The following CSGALNACT1 variants were observed in gnomAD, a reference collection of about 807,000 sequenced individuals.
CSGALNACT1 encodes beta4GalNAcT-1.
A neutral mutation model predicts 51.0 loss-of-function variants in CSGALNACT1; 52 were observed. The observed-to-expected ratio is 1.02, with a 90% CI of 0.82 to 1.29. The LOEUF (loss-of-function observed/expected upper bound fraction) is 1.29. Among genes scored for constraint, CSGALNACT1 ranks in the 50% most tolerant of loss-of-function variants. CSGALNACT1 has a pLI of 0.00. For missense variants in CSGALNACT1, 935 were observed against 679.2 expected (o/e 1.38, Z -4.19); for synonymous variants, 341 against 254.4 (o/e 1.34, Z -3.24).
upstream of CSGALNACT1, among the ~76,000 whole-genome samples, chr8:19,604,451 G>C (rs1005473983): frequency 3.9e-5 from 6 of 152,152 alleles, no homozygotes; most frequent in African/African-American, 1.2e-4. Context: ...CAGAAATGAG[G>C]CTCAAAGGTG....
At chr8:19,553,702 G>A (rs977558553) in intron 3 of CSGALNACT1, among the ~76,000 whole-genome samples, 3 of 145,256 alleles carry the variant, frequency 2.1e-5, no homozygotes, top group African/African-American at 7.8e-5. Context: ...GATGATTAAG[G>A]CACAAAACCA....
intron 3 of CSGALNACT1, among the ~76,000 whole-genome samples, chr8:19,525,615 CAAAAAAA>C (rs34787475): frequency 3.4e-4 from 7 of 20,384 alleles, no homozygotes; most frequent in African/African-American, 8.2e-4. Context: ...AAACTTGTCC[CAAAAAAA>C]AAAAAAAAAA....
At chr8:19,433,536 C>T (rs1289302006) in intron 6 of CSGALNACT1, among the ~76,000 whole-genome samples, 2 of 152,232 alleles carry the variant, frequency 1.3e-5, no homozygotes, top group Non-Finnish European at 2.9e-5. Context: ...AAGTTAAACA[C>T]TTCCTATAAT....
chr8:19,519,985 C>A (rs1276111663), intron 3 of CSGALNACT1, among the ~76,000 whole-genome samples: 1 of 152,234 alleles, frequency 6.6e-6, no homozygotes, highest in African/African-American at 2.4e-5. Context: ...TGTGGCAATG[C>A]CGGCACCCAC....
At chr8:19,506,479 A>G (rs1051738219) in intron 3 of CSGALNACT1, among the ~76,000 whole-genome samples, 3 of 152,336 alleles carry the variant, frequency 2.0e-5, no homozygotes, top group Admixed American at 6.5e-5. Context: ...GGAGAAAAGC[A>G]AAAATGTTAA....
At chr8:19,551,947 CTTGGTTGGA>C (rs1371951575) in intron 3 of CSGALNACT1, among the ~76,000 whole-genome samples, 1 of 152,128 alleles carries the variant, frequency 6.6e-6, no homozygotes, top group Admixed American at 6.6e-5. Context: ...GGTTAGAAGT[CTTGGTTGGA>C]ATAACTCTCT....
chr8:19,709,018 G>A (rs1220381165), intron 1 of CSGALNACT1, among the ~76,000 whole-genome samples: 1 of 152,162 alleles, frequency 6.6e-6, no homozygotes, highest in Non-Finnish European at 1.5e-5. Context: ...GTACATGAAT[G>A]TACCTTAAAG....
At chr8:19,551,376 A>G (rs1405572134) in intron 3 of CSGALNACT1, among the ~76,000 whole-genome samples, 1 of 152,120 alleles carries the variant, frequency 6.6e-6, no homozygotes, top group Non-Finnish European at 1.5e-5. Context: ...CACATGCCCA[A>G]AGGCCCTTAC....
At chr8:19,610,173 C>T (rs1230882595) in intron 1 of CSGALNACT1, among the ~76,000 whole-genome samples, 3 of 151,248 alleles carry the variant, frequency 2.0e-5, no homozygotes, top group East Asian at 3.9e-4. Context: ...ACCTGTAACC[C>T]CAGCTACTCA....
chr8:19,707,660 G>T (rs1033310155), intron 1 of CSGALNACT1, among the ~76,000 whole-genome samples: 2 of 147,844 alleles, frequency 1.4e-5, no homozygotes, highest in Non-Finnish European at 3.0e-5. Context: ...AACAGTATAT[G>T]TTTAACTAAT....
chr8:19,449,918 A>G (rs1323234397), intron 5 of CSGALNACT1, among the ~76,000 whole-genome samples: 1 of 151,732 alleles, frequency 6.6e-6, no homozygotes, highest in Non-Finnish European at 1.5e-5. Flanking sequence ...CTTTGTTATT[A>G]TGAAGTTCTT....
intron 4 of CSGALNACT1, among the ~76,000 whole-genome samples, chr8:19,491,072 T>C (rs757296293): frequency 7.6e-6 from 1 of 131,780 alleles, no homozygotes; most frequent in Non-Finnish European, 1.6e-5. Flanking sequence ...TCACTCATAA[T>C]TCTACCACTC....
At chr8:19,642,803 ATGGCTGTGGTGGGGACAC>A (rs2056878921) in intron 1 of CSGALNACT1, among the ~76,000 whole-genome samples, 1 of 151,640 alleles carries the variant, frequency 6.6e-6, no homozygotes, top group Non-Finnish European at 1.5e-5. Flanking sequence ...AAAAAAAAAA[ATGGCTGTGGTGGGGACAC>A]AAAGGCTTAT....
At chr8:19,565,794 C>T (rs2154102696) in intron 3 of CSGALNACT1, among the ~76,000 whole-genome samples, 1 of 152,272 alleles carries the variant, frequency 6.6e-6, no homozygotes, top group Non-Finnish European at 1.5e-5. Flanking sequence ...ATCTGTAATC[C>T]CAGCTACTTG....
intron 6 of CSGALNACT1, among the ~76,000 whole-genome samples, chr8:19,427,694 A>G (rs1233080950): frequency 1.3e-5 from 2 of 152,170 alleles, no homozygotes; most frequent in Admixed American, 1.3e-4. Context: ...AGGCTGAGGC[A>G]AAAGAATGGT....
rs13264913 is a variant in CSGALNACT1 at position 19,461,824 on chromosome 8, G to A, written c.635-3182C>T. ...GCGTATCCCCACAGCAGCCACATTA[G>A]CCATGGAGGGTGTATCTGCACAGCA... On this transcript the variant is annotated intron_variant, in intron 4 of 9. Coordinates refer to ENST00000454498, the Ensembl canonical transcript of CSGALNACT1. 0.016 allele frequency among the ~76,000 whole-genome samples: 663 copies of A among 40,426 alleles called. 218 individuals carry two copies. The East Asian group carries it at 0.18, about 11-fold the overall frequency. 26.5% of individuals were successfully genotyped at this position (40,426 alleles called of 152,430 possible). A position where few individuals can be genotyped will look rare whatever the true frequency, so the allele number is the denominator to read the frequency against.
intron 3 of CSGALNACT1, among the ~76,000 whole-genome samples, chr8:19,515,077 C>T (rs899746037): frequency 6.6e-6 from 1 of 152,066 alleles, no homozygotes; most frequent in African/African-American, 2.4e-5. Flanking sequence ...GTGCCAGGAT[C>T]ATGCCTTGAT....
At chr8:19,593,296 G>C (rs1185343364) in intron 2 of CSGALNACT1, among the ~76,000 whole-genome samples, 2 of 152,238 alleles carry the variant, frequency 1.3e-5, no homozygotes, top group Non-Finnish European at 2.9e-5. Context: ...TGCAGGAACA[G>C]TGAAAAGAAC....
At chr8:19,443,611 A>G (rs1326994065) in intron 5 of CSGALNACT1, among the ~76,000 whole-genome samples, 2 of 152,170 alleles carry the variant, frequency 1.3e-5, no homozygotes, top group African/African-American at 2.4e-5. Context: ...ATCTTGTGAG[A>G]CTTATTCACT....
Sources: allele counts gnomAD v4.1 joint callset (sites outside exome capture counted in the v4.1 genomes callset), GRCh38; gene constraint gnomAD v4.1.1; transcripts MANE v1.5; gene names NCBI Gene and HGNC (gene_info 2026-07-23, HGNC 2026-07-21).